DAB1: variants seen among roughly 807,000 people sequenced by gnomAD.
DAB1 encodes the protein disabled homolog 1.
Under a neutral mutation model 64.6 loss-of-function variants are expected in DAB1, and 15 were observed. The ratio of observed to expected loss-of-function variants is 0.23; its 90% CI spans 0.16 to 0.36. The LOEUF is 0.36. Among genes scored for constraint, DAB1 ranks in the 10% least tolerant of loss-of-function variants. DAB1 has a pLI of 1.00. For missense variants in DAB1, 596 were observed against 706.7 expected (o/e 0.84, Z 1.78); for synonymous variants, 235 against 251.9 (o/e 0.93, Z 0.64).
At chr1:58,530,410 G>A (rs1295391200) in intron 1 of DAB1, among the ~76,000 whole-genome samples, 1 of 152,180 alleles carries the variant, frequency 6.6e-6, no homozygotes, top group African/African-American at 2.4e-5. Context: ...TTTGAGAGAT[G>A]TAGTATTCCT....
At chr1:57,315,656 C>T (rs2100747516) in intron 1 of DAB1, among the ~76,000 whole-genome samples, 1 of 152,246 alleles carries the variant, frequency 6.6e-6, no homozygotes, top group Non-Finnish European at 1.5e-5. Context: ...GTGCCTGCCA[C>T]CACGCCCAGC....
chr1:57,780,983 C>G (rs980593400), intron 6 of DAB1, among the ~76,000 whole-genome samples: 2 of 151,528 alleles, frequency 1.3e-5, no homozygotes, highest in Admixed American at 6.6e-5. Flanking sequence ...CTGCCTTGGC[C>G]TCCCAAAGTG....
chr1:57,881,620 T>C (rs1472257990), intron 1 of DAB1, among the ~76,000 whole-genome samples: 1 of 152,182 alleles, frequency 6.6e-6, no homozygotes, highest in Admixed American at 6.5e-5. Flanking sequence ...GCAGACACAA[T>C]ACGTGACATA....
At chr1:58,471,700 A>G (rs149956449) in intron 3 of DAB1, among the ~76,000 whole-genome samples, 10 of 152,264 alleles carry the variant, frequency 6.6e-5, no homozygotes, top group Non-Finnish European at 1.3e-4. Context: ...TGTTCTCGTG[A>G]TAGTGAGTGA....
chr1:57,235,654 C>T (rs1256093551), intron 2 of DAB1, among the ~76,000 whole-genome samples: 1 of 150,738 alleles, frequency 6.6e-6, no homozygotes, highest in African/African-American at 2.4e-5. Context: ...AGAGACAAAG[C>T]TTGAATCTAA....
chr1:58,425,847 G>A (rs1305927574), intron 3 of DAB1, among the ~76,000 whole-genome samples: 1 of 152,006 alleles, frequency 6.6e-6, no homozygotes, highest in African/African-American at 2.4e-5. Flanking sequence ...ATTGGCAGGG[G>A]AGAAGCCTTC....
chr1:57,440,469 A>T (rs1685898054), intron 7 of DAB1, among the ~76,000 whole-genome samples: 1 of 152,214 alleles, frequency 6.6e-6, no homozygotes, highest in Non-Finnish European at 1.5e-5. Context: ...CCAGACAGTA[A>T]TCCAGCCAGG....
At chr1:57,675,667 C>T (rs1460142007) in intron 6 of DAB1, among the ~76,000 whole-genome samples, 2 of 152,140 alleles carry the variant, frequency 1.3e-5, no homozygotes, top group African/African-American at 4.8e-5. Flanking sequence ...TTATCATTAG[C>T]ATAAATTATA....
At chr1:58,442,303 C>T (rs1232289938) in intron 3 of DAB1, among the ~76,000 whole-genome samples, 1 of 152,168 alleles carries the variant, frequency 6.6e-6, no homozygotes, top group Non-Finnish European at 1.5e-5. Flanking sequence ...CTGAGCCCTG[C>T]TCATTCATGC....
chr1:57,136,480 GCTTTTAAGGGTACAT>G, intron 4 of DAB1, 48 bp downstream of exon 4: 1 of 914,762 alleles, frequency 1.1e-6, no homozygotes, highest in Non-Finnish European at 1.6e-6. Flanking sequence ...GAGAGTAGAG[GCTTTTAAGGGTACAT>G]CTGTCAATGG....
intron 2 of DAB1, among the ~76,000 whole-genome samples, chr1:57,251,367 T>C (rs978154765): frequency 3.3e-5 from 5 of 152,224 alleles, no homozygotes; most frequent in Non-Finnish European, 7.3e-5. Flanking sequence ...TTAGAACTTA[T>C]TGAAATGCTA....
chr1:58,537,698 T>TAA (rs1213422991), intron 1 of DAB1, among the ~76,000 whole-genome samples: 3 of 152,254 alleles, frequency 2.0e-5, no homozygotes, highest in Non-Finnish European at 2.9e-5. Context: ...TACAAATTCT[T>TAA]AAAGTTCTCT....
At chr1:58,288,653 T>G (rs1661747495) in intron 4 of DAB1, among the ~76,000 whole-genome samples, 1 of 152,206 alleles carries the variant, frequency 6.6e-6, no homozygotes, top group East Asian at 1.9e-4. Context: ...GCCTGGTACA[T>G]AATAAGTGAA....
At chr1:57,351,276 A>C (rs1678571610) in intron 1 of DAB1, among the ~76,000 whole-genome samples, 1 of 152,128 alleles carries the variant, frequency 6.6e-6, no homozygotes, top group African/African-American at 2.4e-5. Flanking sequence ...TAAATCTACC[A>C]CATTTCAGCA....
chr1:58,532,812 C>T (rs780674412), intron 1 of DAB1, among the ~76,000 whole-genome samples: 9 of 152,190 alleles, frequency 5.9e-5, no homozygotes, highest in Non-Finnish European at 1.3e-4. Flanking sequence ...AGGTATAAGC[C>T]ACTGCACCCA....
Position 57,772,263 on chromosome 1 carries a change from G to T in DAB1, n.551+111736C>A, listed in dbSNP as rs543114201. Reference sequence around the variant, plus strand: ...GCAAGAAGACTCTCACCAGACCCTTGCATCTCAATTTTGGACTTCCCAGCC... The same window carrying T: ...GCAAGAAGACTCTCACCAGACCCTTTCATCTCAATTTTGGACTTCCCAGCC... On this transcript the variant is annotated intron_variant and non_coding_transcript_variant, in intron 6 of 20. Transcript: ENST00000485760. 9.2e-5 allele frequency among the ~76,000 whole-genome samples: 14 copies of T among 152,128 alleles called. No individual in the cohort carries two copies. In the East Asian group the frequency reaches 2.5e-3, roughly 27 times the overall value.
chr1:58,386,580 C>A (rs1468331344), intron 3 of DAB1, among the ~76,000 whole-genome samples: 2 of 152,094 alleles, frequency 1.3e-5, no homozygotes, highest in East Asian at 3.9e-4. Context: ...AAATACTGAA[C>A]TCCACTTCTG....
chr1:57,323,047 A>AT (rs10671263), intron 1 of DAB1, among the ~76,000 whole-genome samples: 16,888 of 151,636 alleles, frequency 0.11, 1,120 homozygotes, highest in Middle Eastern at 0.17. Context: ...GAGTTCTGAG[A>AT]TTTTTTTTTG....
intron 5 of DAB1, among the ~76,000 whole-genome samples, chr1:57,954,679 A>G (rs192674112): frequency 2.6e-5 from 4 of 152,318 alleles, no homozygotes; most frequent in Admixed American, 2.6e-4. Flanking sequence ...TAGTTTTTCT[A>G]TTGACTAATA....
Sources: gnomAD v4.1 joint callset for allele counts (sites outside exome capture counted in the v4.1 genomes callset) on GRCh38, gnomAD v4.1.1 for gene constraint, MANE v1.5 for transcripts, NCBI Gene and HGNC (gene_info 2026-07-23, HGNC 2026-07-21) for gene names.